Variants in TNR observed in about 807,000 individuals in gnomAD.
TNR encodes the protein tenascin R.
Under a neutral mutation model 150.4 loss-of-function variants are expected in TNR, and 45 were observed. That is an observed-to-expected ratio of 0.30 (90% CI 0.24 to 0.38). The LOEUF (loss-of-function observed/expected upper bound fraction) is 0.38, where lower values mean the gene tolerates loss of function less well. TNR is among the 10% of genes least tolerant of loss of function. The pLI, the probability that TNR is intolerant of heterozygous loss-of-function variation, is 1.00. For missense variants in TNR, 1,544 were observed against 1,759.1 expected (o/e 0.88, Z 2.19); for synonymous variants, 687 against 678.4 (o/e 1.01, Z -0.20).
chr1:175,406,834 G>T, intron 2 of TNR, 57 bp from the exon 3 acceptor site: 1 of 1,348,010 alleles, frequency 7.4e-7, no homozygotes, highest in Non-Finnish European at 1.0e-6. Flanking sequence ...TGGCACCATG[G>T]CTCTGCACAA....
intron 2 of TNR, among the ~76,000 whole-genome samples, chr1:175,459,127 T>C (rs1207045031): frequency 6.6e-6 from 1 of 150,658 alleles, no homozygotes; most frequent in African/African-American, 2.5e-5. Context: ...CCATCCCTTC[T>C]GCCATCACTA....
chr1:175,612,408 T>C (rs995417209), intron 1 of TNR, among the ~76,000 whole-genome samples: 4 of 152,196 alleles, frequency 2.6e-5, no homozygotes, highest in Admixed American at 1.3e-4. Context: ...TTTATAGGAA[T>C]TCCTCTTGTT....
chr1:175,353,102 G>A (rs1651133274), intron 18 of TNR, among the ~76,000 whole-genome samples: 1 of 152,204 alleles, frequency 6.6e-6, no homozygotes, highest in African/African-American at 2.4e-5. Context: ...AGAATTCAAA[G>A]TCGGGGCTGG....
chr1:175,738,124 A>G (rs557273140), intron 1 of TNR, among the ~76,000 whole-genome samples: 17 of 152,264 alleles, frequency 1.1e-4, no homozygotes, highest in Non-Finnish European at 2.1e-4. Context: ...GCCTCCAAGA[A>G]GCCACCTGCT....
In TNR at chr1:175,319,904, G is replaced by C. The variant is rs960603990; in HGVS notation, c.*3453C>G. The C allele has an allele frequency of 6.7e-6, 1 of 150,082 alleles. No homozygotes were observed. Among genetic ancestry groups the C allele is most frequent in the African/African-American group, 2.5e-5 (1 of 40,612 alleles). 9.3% of individuals were successfully genotyped at this position (150,082 alleles called of 1,614,324 possible). On this transcript the variant is annotated 3_prime_UTR_variant, in exon 23 of 23. Coordinates refer to ENST00000367674, the MANE Select transcript of TNR (RefSeq NM_003285.3). ...AGTTTTCCACAGACTTGTCATTCTT[G>C]CCACCTCTTCTACACCTGACCCCTT...
rs1287757170 is a variant in TNR, at chr1:175,362,804, G to A, written c.2713C>T (p.Arg905Ter). 1.9e-6 allele frequency: 3 copies of A among 1,614,012 alleles called. No homozygotes were observed. Among genetic ancestry groups the A allele is most frequent in the Non-Finnish European group, 2.5e-6 (3 of 1,179,926 alleles). The change falls in exon 14 of 23, where the codon CGA (arginine) becomes TGA (stop). Residue 905 changes from arginine (R) to a stop codon, truncating the protein, a stop_gained. Coordinates refer to ENST00000367674, the MANE Select transcript of TNR (RefSeq NM_003285.3). LOFTEE classifies it high-confidence loss of function. ...RVSYRPTQVGRLDSSVVPNTV... is the reference protein window; with the variant it reads ...RVSYRPTQVG ...TTGGGCACCACTGAGCTGTCTAGTCGTCCCACTGGAGAAGAGAAGAATCTA... is the reference window on the plus strand; with the variant it reads ...TTGGGCACCACTGAGCTGTCTAGTCATCCCACTGGAGAAGAGAAGAATCTA...
At position 175,346,136 on chromosome 1, in the gene TNR, C is replaced by T. The variant is rs142708975; in HGVS notation, c.3382+8255G>A. 1.2e-3 allele frequency among the ~76,000 whole-genome samples: 187 copies of T among 152,166 alleles called. 1 individual carries two copies. Among genetic ancestry groups the T allele is most frequent in the South Asian group, 1.0e-3 (5 of 4,818 alleles). ...AAAGTTCCTTGGGCATATGAAATTA[C>T]GGAAGGTTTGCCTTACAAAATCCAT... On this transcript the variant is annotated intron_variant, in intron 18 of 22. Transcript: ENST00000367674.
At chr1:175,723,611 C>T (rs1667400072) in intron 1 of TNR, among the ~76,000 whole-genome samples, 1 of 152,162 alleles carries the variant, frequency 6.6e-6, no homozygotes, top group Non-Finnish European at 1.5e-5. Flanking sequence ...GTGGCTCATG[C>T]CTGTAATCTC....
intron 18 of TNR, among the ~76,000 whole-genome samples, chr1:175,350,429 C>T (rs1651001616): frequency 6.6e-6 from 1 of 152,216 alleles, no homozygotes; most frequent in South Asian, 2.1e-4. Flanking sequence ...CAAGTCCTGG[C>T]TGCTCTGTGG....
intron 1 of TNR, among the ~76,000 whole-genome samples, chr1:175,626,396 GCT>G (rs1407641850): frequency 6.6e-6 from 1 of 152,074 alleles, no homozygotes; most frequent in African/African-American, 2.4e-5. Context: ...CCCACCTCCA[GCT>G]CTCTTTCTGC....
At chr1:175,727,770 G>T (rs1017125511) in intron 1 of TNR, among the ~76,000 whole-genome samples, 4 of 152,096 alleles carry the variant, frequency 2.6e-5, no homozygotes. Context: ...CCAAGAGGAT[G>T]GGCACAGGGA....
intron 1 of TNR, among the ~76,000 whole-genome samples, chr1:175,568,812 T>C (rs1661750050): frequency 6.6e-6 from 1 of 152,242 alleles, no homozygotes; most frequent in Admixed American, 6.5e-5. Flanking sequence ...TCCAGATAGA[T>C]GAAATGGAAT....
intron 18 of TNR, among the ~76,000 whole-genome samples, chr1:175,348,605 A>G (rs572122043): frequency 6.6e-6 from 1 of 152,234 alleles, no homozygotes; most frequent in Non-Finnish European, 1.5e-5. Flanking sequence ...TAGGGAGTTC[A>G]GAGGTCAAAC....
chr1:175,424,099 G>A (rs1654868725), intron 2 of TNR, among the ~76,000 whole-genome samples: 1 of 152,144 alleles, frequency 6.6e-6, no homozygotes. Flanking sequence ...ATTTTGGTGG[G>A]GTTTTTTCCA....
intron 2 of TNR, among the ~76,000 whole-genome samples, chr1:175,473,364 G>A (rs754385906): frequency 2.0e-5 from 3 of 152,122 alleles, no homozygotes; most frequent in African/African-American, 4.8e-5. Flanking sequence ...AGATGCTCTC[G>A]GACATCATCT....
intron 11 of TNR, among the ~76,000 whole-genome samples, chr1:175,365,640 C>T (rs1651802268): frequency 6.6e-6 from 1 of 152,158 alleles, no homozygotes; most frequent in Admixed American, 6.5e-5. Context: ...TATGTCAAGG[C>T]CATAGAAAAG....
At position 175,403,236 on chromosome 1, in the gene TNR, G is replaced by A. The variant is rs1653797366; in HGVS notation, c.880C>T (p.Gln294Ter). Reference protein sequence around the residue: ...EEGYVGEDCGQRQCLNACSGR... With the variant: ...EEGYVGEDCG Reference sequence around the variant, plus strand: ...CTGCAGGCATTCAGACACTGCCGCTGGCCGCAGTCCTCACCAACGTAGCCC... The same window carrying A: ...CTGCAGGCATTCAGACACTGCCGCTAGCCGCAGTCCTCACCAACGTAGCCC... The change falls in exon 4 of 23, where the codon CAG becomes TAG. Residue 294 changes from glutamine to a stop codon, truncating the protein, a stop_gained. Transcript: ENST00000367674. LOFTEE classifies it high-confidence loss of function. 1 of 1,613,974 alleles carries A rather than the reference G, an allele frequency of 6.2e-7. No homozygotes were observed. Among genetic ancestry groups the A allele is most frequent in the Non-Finnish European group, 8.5e-7 (1 of 1,180,024 alleles).
At chr1:175,530,314 G>GATCC (rs1338302003) in intron 1 of TNR, among the ~76,000 whole-genome samples, 1 of 152,122 alleles carries the variant, frequency 6.6e-6, no homozygotes, top group Non-Finnish European at 1.5e-5. Context: ...ATTGAAAAAG[G>GATCC]ATCCAGGTCT....
At chr1:175,596,239 AG>A (rs1430159351) in intron 1 of TNR, among the ~76,000 whole-genome samples, 2 of 152,218 alleles carry the variant, frequency 1.3e-5, no homozygotes, top group Non-Finnish European at 2.9e-5. Flanking sequence ...TTCCCTCGAA[AG>A]ATGAAGAAAC....
Sources: gnomAD v4.1 joint callset for allele counts (sites outside exome capture counted in the v4.1 genomes callset) on GRCh38, gnomAD v4.1.1 for gene constraint, MANE v1.5 for transcripts, NCBI Gene and HGNC (gene_info 2026-07-23, HGNC 2026-07-21) for gene names.